Variants in STON1 observed in about 807,000 individuals in gnomAD.
STON1 encodes the protein stonin-1.
In STON1, 79 loss-of-function variants were observed where a neutral mutation model predicts 60.9. That is an observed-to-expected ratio of 1.30 (90% CI 1.08 to 1.56). The LOEUF (loss-of-function observed/expected upper bound fraction) is 1.56. STON1 is among the 40% of genes most tolerant of loss of function. The pLI is 0.00. For synonymous variants in STON1, 363 were observed against 306.9 expected (o/e 1.18, Z -1.91); for missense variants, 1,166 against 858.9 (o/e 1.36, Z -4.47).
In STON1 at chr2:48,591,950, A is replaced by G. The variant is rs188791262; in HGVS notation, c.2133+95A>G. The G allele has an allele frequency of 1.8e-4, 262 of 1,470,392 alleles. 1 individual carries two copies. Among genetic ancestry groups the G allele is most frequent in the African/African-American group, 1.7e-4 (12 of 71,520 alleles). The allele number at this position is 1,470,392 out of a possible 1,614,324, so 91.1% of individuals were successfully genotyped here. Reference sequence around the variant, plus strand: ...TCGTGTATGTGTTGTGTGTGTGTGTATATGTGTGGTGAGATTTGCCCTAGA... The same window carrying G: ...TCGTGTATGTGTTGTGTGTGTGTGTGTATGTGTGGTGAGATTTGCCCTAGA... On this transcript the variant is annotated intron_variant, in intron 3 of 3. Coordinates refer to ENST00000404752, the MANE Select transcript of STON1 (RefSeq NM_006873.4).
chr2:48,569,852 G>A (rs1673111267), intron 1 of STON1, among the ~76,000 whole-genome samples: 1 of 152,172 alleles, frequency 6.6e-6, no homozygotes, highest in South Asian at 2.1e-4. Flanking sequence ...AATCTAAAAT[G>A]CTCAAGTGAG....
intron 1 of STON1, among the ~76,000 whole-genome samples, chr2:48,565,045 CTTTTTTTTTTTT>C (rs35791710): frequency 1.2e-5 from 1 of 86,502 alleles, no homozygotes; most frequent in Admixed American, 1.5e-4. Context: ...CCGGCTTCTT[CTTTTTTTTTTTT>C]TTTTTTTTTT....
At chr2:48,545,535 C>T (rs924794087) in intron 1 of STON1, among the ~76,000 whole-genome samples, 1 of 152,236 alleles carries the variant, frequency 6.6e-6, no homozygotes, top group Non-Finnish European at 1.5e-5. Context: ...CGAGGGCTGC[C>T]TCAGTCACTC....
chr2:48,577,802 G>C (rs1460402026), intron 1 of STON1, among the ~76,000 whole-genome samples: 1 of 151,484 alleles, frequency 6.6e-6, no homozygotes, highest in East Asian at 2.0e-4. Context: ...TTTTAGTAGA[G>C]ACGCGATTTC....
Position 48,582,575 on chromosome 2 carries a change from A to G in STON1, c.1930+12A>G, listed in dbSNP as rs756471683. 1.6e-5 allele frequency: 26 copies of G among 1,602,470 alleles called. No homozygotes were observed. In the South Asian group the frequency reaches 2.8e-4, roughly 17 times the overall value. On this transcript the variant is annotated intron_variant, in intron 2 of 3. Coordinates refer to ENST00000404752, the MANE Select transcript of STON1 (RefSeq NM_006873.4). Reference sequence around the variant, plus strand: ...AGACAAAAATTCAAGTAAATATTCAACACCCCAAGTTTATTTTCATGGGAA... The same window carrying G: ...AGACAAAAATTCAAGTAAATATTCAGCACCCCAAGTTTATTTTCATGGGAA...
intron 1 of STON1, among the ~76,000 whole-genome samples, chr2:48,566,896 C>G (rs1193873779): frequency 6.6e-6 from 1 of 152,046 alleles, no homozygotes; most frequent in Non-Finnish European, 1.5e-5. Context: ...TCGTTACAGG[C>G]TGAAGTTGAA....
At position 48,581,187 on chromosome 2, in the gene STON1, C is replaced by T; in HGVS notation, c.554C>T (p.Pro185Leu). Reference protein sequence around the residue: ...YFREDCAFSSPFWKDEGSDSH... With the variant: ...YFREDCAFSSLFWKDEGSDSH... ...CGAGAGGACTGTGCTTTTTCAAGTC[C>T]ATTTTGGAAAGATGAAGGCAGTGAT... is the stretch of plus-strand genomic sequence containing the variant. The change falls in exon 2 of 4, where the codon CCA (proline) becomes CTA (leucine). Residue 185 changes from proline (P) to leucine (L), a missense_variant. Transcript: ENST00000404752. The T allele has an allele frequency of 6.5e-7, 1 of 1,533,128 alleles. No individual in the cohort carries two copies. The highest frequency in any genetic ancestry group is 8.7e-7 in the Non-Finnish European group (1 of 1,146,896). 95.0% of individuals were successfully genotyped at this position (1,533,128 alleles called of 1,614,324 possible).
chr2:48,553,495 T>C lies in STON1; in HGVS notation c.-48+23279T>C, dbSNP rs556140797. On this transcript the variant is annotated intron_variant, in intron 1 of 3. Coordinates refer to ENST00000404752, the MANE Select transcript of STON1 (RefSeq NM_006873.4). ...CTGTCCTGTCCTGTCCTTTCCTCTT[T>C]CCTTTTTTTGAGGTGGAGTTTTGCT... 1.2e-4 allele frequency among the ~76,000 whole-genome samples: 19 copies of C among 152,096 alleles called. 1 individual carries two copies. In the South Asian group the frequency reaches 3.8e-3, roughly 30 times the overall value.
At chr2:48,553,118 A>G (rs1672169736) in intron 1 of STON1, among the ~76,000 whole-genome samples, 1 of 152,188 alleles carries the variant, frequency 6.6e-6, no homozygotes. Flanking sequence ...TATGACTAGA[A>G]TTGTCACAAC....
chr2:48,594,057 G>A (rs1461782329), intron 3 of STON1, among the ~76,000 whole-genome samples: 1 of 152,166 alleles, frequency 6.6e-6, no homozygotes, highest in Non-Finnish European at 1.5e-5. Flanking sequence ...TCCAGGGCAT[G>A]GACAGAAGCC....
chr2:48,581,987 C>A lies in STON1; in HGVS notation c.1354C>A (p.Leu452Met). Reference protein sequence around the residue: ...IYCLCFVNGNLECFLTLNDLE... With the variant: ...IYCLCFVNGNMECFLTLNDLE... ...TTGCCTCTGCTTTGTGAATGGGAAC[C>A]TGGAATGCTTTTTAACCTTGAATGA... is the stretch of plus-strand genomic sequence containing the variant. The change falls in exon 2 of 4, where the codon CTG (leucine) becomes ATG (methionine). Residue 452 changes from leucine (L) to methionine (M), a missense_variant. By Grantham distance (15) the Leu-to-Met change is conservative (BLOSUM62 2). Transcript: ENST00000404752. The A allele has an allele frequency of 6.2e-7, 1 of 1,614,154 alleles. No homozygotes were observed. The highest frequency in any genetic ancestry group is 8.5e-7 in the Non-Finnish European group (1 of 1,180,038).
At chr2:48,577,587 A>AC in intron 1 of STON1, among the ~76,000 whole-genome samples, 1 of 151,912 alleles carries the variant, frequency 6.6e-6, no homozygotes, top group South Asian at 2.1e-4. Flanking sequence ...TCTCATAAAA[A>AC]AAAAAAGAAA....
At chr2:48,566,268 C>G (rs548154023) in intron 1 of STON1, among the ~76,000 whole-genome samples, 1 of 152,244 alleles carries the variant, frequency 6.6e-6, no homozygotes, top group East Asian at 1.9e-4. Flanking sequence ...CTCCACCTCC[C>G]AGGTTCAAGT....
intron 1 of STON1, among the ~76,000 whole-genome samples, chr2:48,553,732 C>T (rs980038752): frequency 6.6e-6 from 1 of 152,142 alleles, no homozygotes; most frequent in Non-Finnish European, 1.5e-5. Flanking sequence ...AAGTGATGCA[C>T]CTGCCTCGGC....
intron 1 of STON1, among the ~76,000 whole-genome samples, chr2:48,546,807 C>G (rs1338350710): frequency 5.3e-5 from 8 of 152,190 alleles, no homozygotes; most frequent in Non-Finnish European, 4.4e-5. Context: ...CTCAAGCAAT[C>G]TTCCTGCTTT....
chr2:48,534,485 T>C (rs1671346591), intron 1 of STON1, among the ~76,000 whole-genome samples: 1 of 152,122 alleles, frequency 6.6e-6, no homozygotes, highest in African/African-American at 2.4e-5. Context: ...ATTTTAATTA[T>C]AAGGAATAAG....
chr2:48,586,053 C>T (rs1390104255), intron 2 of STON1, among the ~76,000 whole-genome samples: 1 of 152,202 alleles, frequency 6.6e-6, no homozygotes, highest in African/African-American at 2.4e-5. Context: ...TCCGGGAGGC[C>T]CTGAAGGAAA....
chr2:48,530,205 A>C lies in STON1; in HGVS notation c.-59A>C, dbSNP rs1013809606. 1.5e-4 allele frequency: 59 copies of C among 406,630 alleles called. No homozygotes were observed. The highest frequency in any genetic ancestry group is 1.1e-3 in the African/African-American group (54 of 47,150). The allele number at this position is 406,630 out of a possible 1,614,324, so 25.2% of individuals were successfully genotyped here. A position where few individuals can be genotyped will look rare whatever the true frequency, so the allele number is the denominator to read the frequency against. On this transcript the variant is annotated 5_prime_UTR_variant, in exon 1 of 4. Transcript: ENST00000404752. Reference sequence around the variant, plus strand: ...GGCTGCGGCCAGAATCGGAGCCCCAACCGCGCTGCCGGTGAGTGACCAGCC... The same window carrying C: ...GGCTGCGGCCAGAATCGGAGCCCCACCCGCGCTGCCGGTGAGTGACCAGCC...
rs1674847156 is a variant in STON1, at chr2:48,597,861, A to G, written c.*2559A>G. 1.3e-5 allele frequency: 2 copies of G among 152,232 alleles called. No individual in the cohort carries two copies. The highest frequency in any genetic ancestry group is 2.9e-5 in the Non-Finnish European group (2 of 68,042). The allele number at this position is 152,232 out of a possible 1,614,324, so 9.4% of individuals were successfully genotyped here. On this transcript the variant is annotated 3_prime_UTR_variant, in exon 4 of 4. Transcript: ENST00000404752. ...GTGACTACAGAACTCTAGGTGAAAA[A>G]TCAGGTAGGGTTCAAATTAAGTAGA...
Sources: gnomAD v4.1 joint callset for allele counts (sites outside exome capture counted in the v4.1 genomes callset) on GRCh38, gnomAD v4.1.1 for gene constraint, MANE v1.5 for transcripts, NCBI Gene and HGNC (gene_info 2026-07-23, HGNC 2026-07-21) for gene names.